CSTPP1: variants seen among roughly 807,000 people sequenced by gnomAD.
The protein encoded by CSTPP1 is UPF0705 protein C11orf49.
the CSTPP1 span, chr11:47,137,883 T>C: frequency 5.5e-5 from 38 of 686,490 alleles, no homozygotes; most frequent in African/African-American, 6.3e-4. Context: ...CAAAACATAA[T>C]ACATTCTGCA....
chr11:47,121,207 C>G, the CSTPP1 span, among the ~76,000 whole-genome samples: 1 of 152,094 alleles, frequency 6.6e-6, no homozygotes, highest in Admixed American at 6.6e-5. Flanking sequence ...TAGTTAATGC[C>G]TAATTATAGT....
the CSTPP1 span, among the ~76,000 whole-genome samples, chr11:47,017,148 G>C: frequency 1.4e-5 from 2 of 138,862 alleles, no homozygotes; most frequent in African/African-American, 5.4e-5. Context: ...ACCATGCCCA[G>C]CCACTTTTTC....
the CSTPP1 span, among the ~76,000 whole-genome samples, chr11:47,112,477 A>C: frequency 6.6e-6 from 1 of 152,172 alleles, no homozygotes; most frequent in African/African-American, 2.4e-5. Flanking sequence ...ATGCACCACC[A>C]TGCCCGGCTA....
At chr11:47,007,801 C>T in the CSTPP1 span, among the ~76,000 whole-genome samples, 1 of 152,074 alleles carries the variant, frequency 6.6e-6, no homozygotes, top group Non-Finnish European at 1.5e-5. Context: ...GGCCTGGGCA[C>T]TAGCAATCCT....
chr11:47,040,677 C>T, the CSTPP1 span, among the ~76,000 whole-genome samples: 1 of 126,614 alleles, frequency 7.9e-6, no homozygotes, highest in African/African-American at 2.5e-5. Flanking sequence ...CAACCTTCAT[C>T]CAACCCAAAA....
At chr11:47,159,794 CAGG>C in the CSTPP1 span, 8 of 441,938 alleles carry the variant, frequency 1.8e-5, no homozygotes, top group African/African-American at 1.6e-4. Context: ...CACCTGAGGT[CAGG>C]AGTTCGAGAC....
the CSTPP1 span, among the ~76,000 whole-genome samples, chr11:47,013,963 T>C: frequency 6.6e-6 from 1 of 152,166 alleles, no homozygotes; most frequent in African/African-American, 2.4e-5. Flanking sequence ...CCTAACACTT[T>C]GGGAGGCCAA....
the CSTPP1 span, among the ~76,000 whole-genome samples, chr11:47,038,829 G>A: frequency 0.011 from 1,308 of 119,850 alleles, 300 homozygotes; most frequent in Non-Finnish European, 0.019. Flanking sequence ...CTCAGACGGG[G>A]CGGTTGCCAG....
the CSTPP1 span, chr11:46,987,143 ATTG>A: frequency 6.6e-7 from 1 of 1,504,068 alleles, no homozygotes; most frequent in Non-Finnish European, 9.2e-7. Context: ...TCCTACTAGG[ATTG>A]GGATCATTCT....
At chr11:47,033,959 A>C in the CSTPP1 span, among the ~76,000 whole-genome samples, 1 of 151,970 alleles carries the variant, frequency 6.6e-6, no homozygotes, top group Non-Finnish European at 1.5e-5. Flanking sequence ...ATTCAAAAGA[A>C]CTTTAAAAGG....
the CSTPP1 span, among the ~76,000 whole-genome samples, chr11:47,076,449 T>C: frequency 2.8e-3 from 421 of 152,300 alleles, 3 homozygotes; most frequent in African/African-American, 9.4e-3. Context: ...ACCAGTTTTT[T>C]AGTACCTCGC....
the CSTPP1 span, among the ~76,000 whole-genome samples, chr11:47,012,044 G>T: frequency 6.6e-6 from 1 of 152,052 alleles, no homozygotes; most frequent in East Asian, 1.9e-4. Flanking sequence ...GGAGGCTGAA[G>T]CGGGAGGATT....
At chr11:47,055,319 CTTCCTTCCTTCG>C in the CSTPP1 span, among the ~76,000 whole-genome samples, 1 of 150,780 alleles carries the variant, frequency 6.6e-6, no homozygotes, top group Non-Finnish European at 1.5e-5. Context: ...TCTTTCTTGC[CTTCCTTCCTTCG>C]TTCCTTCCTT....
At chr11:46,964,618 C>T in the CSTPP1 span, among the ~76,000 whole-genome samples, 1 of 152,134 alleles carries the variant, frequency 6.6e-6, no homozygotes, top group Admixed American at 6.5e-5. Flanking sequence ...GGCCTTAATA[C>T]GGACTGTTTT....
chr11:47,140,685 C>CACCTA, the CSTPP1 span, among the ~76,000 whole-genome samples: 1 of 48,380 alleles, frequency 2.1e-5, no homozygotes, highest in South Asian at 8.2e-4. Context: ...AAGATCTGCC[C>CACCTA]ACCTAGGCCT....
At chr11:46,942,034 A>G in the CSTPP1 span, among the ~76,000 whole-genome samples, 1 of 152,160 alleles carries the variant, frequency 6.6e-6, no homozygotes, top group African/African-American at 2.4e-5. Context: ...ATCTTTTATC[A>G]TGTTGGGTAA....
the CSTPP1 span, among the ~76,000 whole-genome samples, chr11:46,968,910 T>TA: frequency 6.6e-6 from 1 of 151,204 alleles, no homozygotes; most frequent in Non-Finnish European, 1.5e-5. Flanking sequence ...ATAATAATAA[T>TA]AAAAAAAAGA....
chr11:46,993,192 GT>G, the CSTPP1 span, among the ~76,000 whole-genome samples: 1 of 152,154 alleles, frequency 6.6e-6, no homozygotes, highest in African/African-American at 2.4e-5. Context: ...TAGGTTGCCT[GT>G]TCACTCTGAT....
At chr11:47,149,107 C>T in the CSTPP1 span, among the ~76,000 whole-genome samples, 3 of 152,206 alleles carry the variant, frequency 2.0e-5, no homozygotes. Context: ...GCCACGTGCT[C>T]TTTCTCCACT....
Sources: gnomAD v4.1 joint callset for allele counts (sites outside exome capture counted in the v4.1 genomes callset) on GRCh38, gnomAD v4.1.1 for gene constraint, MANE v1.5 for transcripts, NCBI Gene and HGNC (gene_info 2026-07-23, HGNC 2026-07-21) for gene names.